IMMP2L: variants seen among roughly 807,000 people sequenced by gnomAD.
The protein encoded by IMMP2L is mitochondrial inner membrane protease subunit 2.
A neutral mutation model predicts 19.3 loss-of-function variants in IMMP2L; 18 were observed. The observed-to-expected ratio is 0.93, with a 90% CI of 0.64 to 1.38. The LOEUF (loss-of-function observed/expected upper bound fraction) is 1.38, where lower values mean the gene tolerates loss of function less well. IMMP2L is among the 40% of genes most tolerant of loss of function. The pLI is 0.00. For missense variants in IMMP2L, 233 were observed against 218.2 expected (o/e 1.07, Z -0.43); for synonymous variants, 76 against 73.0 (o/e 1.04, Z -0.21).
intron 3 of IMMP2L, among the ~76,000 whole-genome samples, chr7:111,318,761 A>G (rs1260271158): frequency 6.6e-6 from 1 of 152,130 alleles, no homozygotes; most frequent in Non-Finnish European, 1.5e-5. Flanking sequence ...AGATTCTTTT[A>G]AAAATATTTT....
At chr7:111,060,203 CA>C (rs1431635317) in intron 3 of IMMP2L, among the ~76,000 whole-genome samples, 1 of 152,182 alleles carries the variant, frequency 6.6e-6, no homozygotes, top group Non-Finnish European at 1.5e-5. Context: ...CTATTACTGA[CA>C]ATTCAGAAAG....
chr7:110,725,056 C>T (rs1446971250), intron 5 of IMMP2L, among the ~76,000 whole-genome samples: 3 of 152,150 alleles, frequency 2.0e-5, no homozygotes, highest in African/African-American at 7.2e-5. Flanking sequence ...TGAAGCGGTA[C>T]CTGTCTAAAC....
At chr7:111,009,361 T>C (rs756888988) in intron 3 of IMMP2L, among the ~76,000 whole-genome samples, 4 of 152,120 alleles carry the variant, frequency 2.6e-5, no homozygotes, top group Admixed American at 6.6e-5. Context: ...TCAGAACATA[T>C]ATGCATTTTT....
Position 111,556,018 on chromosome 7 carries a change from G to GTGTGTGTATATATATATATATATATATA in IMMP2L, c.-3+5832_-3+5833insTATATATATATATATATATATACACACA, listed in dbSNP as rs777862357. On this transcript the variant is annotated intron_variant, in intron 1 of 5. Transcript: ENST00000405709. ...TTAGCCATCCCTCTTCTGTGTGCAT[G>GTGTGTGTATATATATATATATATATATA]TATATATATATATATATACATACCC... 5.4e-3 allele frequency among the ~76,000 whole-genome samples: 496 copies of GTGTGTGTATATATATATATATATATATA among 91,290 alleles called. 17 individuals carry two copies. Among genetic ancestry groups the GTGTGTGTATATATATATATATATATATA allele is most frequent in the African/African-American group, 0.015 (412 of 27,566 alleles). The allele number at this position is 91,290 out of a possible 152,430, so 59.9% of individuals were successfully genotyped here.
intron 3 of IMMP2L, among the ~76,000 whole-genome samples, chr7:111,190,032 G>A (rs1586752492): frequency 6.6e-6 from 1 of 152,050 alleles, no homozygotes; most frequent in East Asian, 1.9e-4. Context: ...AATTAACATG[G>A]CCAGTTGACA....
chr7:110,903,772 T>G (rs1021908540), intron 4 of IMMP2L, among the ~76,000 whole-genome samples: 38 of 151,140 alleles, frequency 2.5e-4, no homozygotes, highest in African/African-American at 9.4e-4. Flanking sequence ...TAGCTCTGTT[T>G]TCACTTTTTT....
intron 4 of IMMP2L, among the ~76,000 whole-genome samples, chr7:110,910,200 A>C (rs1380238137): frequency 3.3e-5 from 5 of 152,216 alleles, no homozygotes; most frequent in African/African-American, 7.2e-5. Context: ...GCATAAATGC[A>C]ACAGAGAGCA....
At position 111,123,812 on chromosome 7, in the gene IMMP2L, G is replaced by A; in HGVS notation, c.240-160247C>T. 6.2e-7 allele frequency: 1 copy of A among 1,613,982 alleles called. No homozygotes were observed. Among genetic ancestry groups the A allele is most frequent in the Non-Finnish European group, 8.5e-7 (1 of 1,179,976 alleles). ...CTCATGCTGAACAGCAATGCTCTCAGTGCCCTGTACCATGGTACCATTGAG... is the reference window on the plus strand; with the variant it reads ...CTCATGCTGAACAGCAATGCTCTCAATGCCCTGTACCATGGTACCATTGAG... On this transcript the variant is annotated intron_variant, in intron 3 of 5. Coordinates refer to ENST00000405709, the MANE Select transcript of IMMP2L (RefSeq NM_032549.4). This position sits in a 1 kb window ranked among gnomAD's most constrained non-coding sequence, Gnocchi z 6.4.
At chr7:111,462,609 T>A (rs554428221) in intron 3 of IMMP2L, among the ~76,000 whole-genome samples, 1 of 152,150 alleles carries the variant, frequency 6.6e-6, no homozygotes, top group South Asian at 2.1e-4. Context: ...TCAGGGTAAC[T>A]GGGATATCCA....
At chr7:110,738,580 G>A (rs1396554923) in intron 5 of IMMP2L, among the ~76,000 whole-genome samples, 3 of 152,174 alleles carry the variant, frequency 2.0e-5, no homozygotes, top group South Asian at 2.1e-4. Flanking sequence ...TATGTTAAAC[G>A]TCCAAACCTA....
At chr7:111,370,513 C>G (rs1459310673) in intron 3 of IMMP2L, among the ~76,000 whole-genome samples, 1 of 151,898 alleles carries the variant, frequency 6.6e-6, no homozygotes, top group African/African-American at 2.4e-5. Context: ...TTTATTGCAC[C>G]CTTGTTCAAA....
At chr7:111,020,921 C>T (rs1826211435) in intron 3 of IMMP2L, among the ~76,000 whole-genome samples, 1 of 152,024 alleles carries the variant, frequency 6.6e-6, no homozygotes, top group Admixed American at 6.6e-5. Flanking sequence ...TCAAAGGGAT[C>T]TAAAAAAAGT....
chr7:110,928,997 G>A (rs1390810100), intron 4 of IMMP2L, among the ~76,000 whole-genome samples: 2 of 152,044 alleles, frequency 1.3e-5, no homozygotes, highest in Non-Finnish European at 2.9e-5. Flanking sequence ...TGGACACCCT[G>A]TTGAAATCAC....
At chr7:110,699,824 G>A (rs943476456) in intron 5 of IMMP2L, among the ~76,000 whole-genome samples, 13 of 151,470 alleles carry the variant, frequency 8.6e-5, no homozygotes, top group Admixed American at 5.3e-4. Context: ...GTTACATTAC[G>A]TGAGTCTGTC....
At chr7:111,269,739 G>C (rs1818244559) in intron 3 of IMMP2L, among the ~76,000 whole-genome samples, 1 of 152,008 alleles carries the variant, frequency 6.6e-6, no homozygotes, top group Non-Finnish European at 1.5e-5. Flanking sequence ...TTTAAATCCA[G>C]TTAAGCCCCA....
At chr7:111,103,488 G>T (rs988257171) in intron 3 of IMMP2L, among the ~76,000 whole-genome samples, 5 of 151,500 alleles carry the variant, frequency 3.3e-5, no homozygotes, top group African/African-American at 1.2e-4. Flanking sequence ...TACATTTTTA[G>T]AATTATTTTC....
intron 3 of IMMP2L, among the ~76,000 whole-genome samples, chr7:111,369,545 A>C (rs774013441): frequency 9.9e-5 from 15 of 151,936 alleles, no homozygotes; most frequent in Admixed American, 2.0e-4. Context: ...GAAATCATAG[A>C]ATAAGGTCAG....
At chr7:110,717,349 C>T (rs1242444135) in intron 5 of IMMP2L, among the ~76,000 whole-genome samples, 2 of 152,172 alleles carry the variant, frequency 1.3e-5, no homozygotes, top group Non-Finnish European at 2.9e-5. Flanking sequence ...TCTGTAGTCC[C>T]AGCTACTTGG....
At chr7:111,330,538 A>G (rs893765571) in intron 3 of IMMP2L, among the ~76,000 whole-genome samples, 1 of 151,806 alleles carries the variant, frequency 6.6e-6, no homozygotes, top group Non-Finnish European at 1.5e-5. Context: ...CAATCAACTC[A>G]GAGACATATT....
Sources: gnomAD v4.1 joint callset for allele counts (sites outside exome capture counted in the v4.1 genomes callset) on GRCh38, gnomAD v4.1.1 for gene constraint, Gnocchi (gnomAD v3.1) non-coding constraint, MANE v1.5 for transcripts, NCBI Gene and HGNC (gene_info 2026-07-23, HGNC 2026-07-21) for gene names.